The following GALNT18 variants were observed in gnomAD, a reference collection of about 807,000 sequenced individuals.
GALNT18 encodes the protein polypeptide N-acetylgalactosaminyltransferase 18, also known as GalNAc-transferase 18.
A neutral mutation model predicts 69.5 loss-of-function variants in GALNT18; 44 were observed. That is an observed-to-expected ratio of 0.63 (90% CI 0.50 to 0.81). GALNT18 has a LOEUF of 0.81. GALNT18 is among the 40% of genes least tolerant of loss of function. The pLI is 0.00. For missense variants in GALNT18, 715 were observed against 810.0 expected (o/e 0.88, Z 1.42); for synonymous variants, 364 against 318.2 (o/e 1.14, Z -1.53).
rs1192352841 is a variant in GALNT18 at position 11,332,567 on chromosome 11, C to G, written c.1416+127G>C. Reference sequence around the variant, plus strand: ...GTCTTGCAGGTGCAGAACCCAGCGCCCGGTCCCCAGGCCTACTGCAGTTCT... The same window carrying G: ...GTCTTGCAGGTGCAGAACCCAGCGCGCGGTCCCCAGGCCTACTGCAGTTCT... On this transcript the variant is annotated intron_variant, in intron 8 of 10. Transcript: ENST00000227756. The surrounding 1 kb of genome is among the most constrained non-coding windows in gnomAD (Gnocchi z 4.3). 2.8e-6 allele frequency: 3 copies of G among 1,063,710 alleles called. No individual in the cohort carries two copies. In the African/African-American group the frequency reaches 4.7e-5, roughly 17 times the overall value. The allele number at this position is 1,063,710 out of a possible 1,614,324, so 65.9% of individuals were successfully genotyped here.
intron 1 of GALNT18, among the ~76,000 whole-genome samples, chr11:11,521,730 G>A (rs549042360): frequency 3.1e-4 from 47 of 152,148 alleles, no homozygotes; most frequent in Non-Finnish European, 5.6e-4. Context: ...AGTCACTTCC[G>A]ATGAAGCTTA....
At position 11,270,912 on chromosome 11, in the gene GALNT18, T is replaced by C; in HGVS notation, c.*232A>G. ...AATATTTTATTGTCAGTTATAAATATTTTCCATCTGTCCCCTATTTACAAC... is the reference window on the plus strand; with the variant it reads ...AATATTTTATTGTCAGTTATAAATACTTTCCATCTGTCCCCTATTTACAAC... On this transcript the variant is annotated 3_prime_UTR_variant, in exon 11 of 11. Coordinates refer to ENST00000227756, the MANE Select transcript of GALNT18 (RefSeq NM_198516.3). 1 of 423,836 alleles carries C rather than the reference T, an allele frequency of 2.4e-6. No individual in the cohort carries two copies. The allele number at this position is 423,836 out of a possible 1,614,324, so 26.3% of individuals were successfully genotyped here.
chr11:11,564,454 C>T lies in GALNT18; in HGVS notation c.235+56905G>A, dbSNP rs1341254431. ...TAAAATAGCTCCATCACATGAGACC[C>T]CCCTGGGTCTTCTCATCCATGCCTC... On this transcript the variant is annotated intron_variant, in intron 1 of 10. Transcript: ENST00000227756. This position sits in a 1 kb window ranked among gnomAD's most constrained non-coding sequence, Gnocchi z 4.3. 6.6e-6 allele frequency among the ~76,000 whole-genome samples: 1 copy of T among 152,194 alleles called. No individual in the cohort carries two copies. Among genetic ancestry groups the T allele is most frequent in the Non-Finnish European group, 1.5e-5 (1 of 68,044 alleles).
intron 9 of GALNT18, among the ~76,000 whole-genome samples, chr11:11,304,721 A>G (rs898059573): frequency 6.6e-6 from 1 of 152,210 alleles, no homozygotes; most frequent in African/African-American, 2.4e-5. Flanking sequence ...TCACCAGATC[A>G]TTAATGCCAG....
intron 1 of GALNT18, among the ~76,000 whole-genome samples, chr11:11,554,382 G>T (rs1338511839): frequency 6.6e-6 from 1 of 151,814 alleles, no homozygotes; most frequent in Non-Finnish European, 1.5e-5. Flanking sequence ...GGAGGCACAG[G>T]TAGCCTCAGG....
chr11:11,292,639 G>A (rs186133019), intron 10 of GALNT18, among the ~76,000 whole-genome samples: 29 of 152,278 alleles, frequency 1.9e-4, no homozygotes, highest in African/African-American at 6.5e-4. Flanking sequence ...GGAGAAACGT[G>A]AAGGTTTAAA....
intron 1 of GALNT18, among the ~76,000 whole-genome samples, chr11:11,549,892 TG>T (rs1002682847): frequency 2.6e-5 from 4 of 152,168 alleles, no homozygotes; most frequent in African/African-American, 9.7e-5. Flanking sequence ...GAAGTCATGC[TG>T]GGGAAACAAA....
chr11:11,379,247 G>A lies in GALNT18; in HGVS notation c.613C>T (p.Leu205=). Residue 205 remains leucine (L), a synonymous_variant, in exon 4 of 11, where the codon CTG becomes TTG. Transcript: ENST00000227756. Reference sequence around the variant, plus strand: ...TTCACCTTGTCCACATATTCGGTCAGCTTCTCCTTCAGTTCCTCTGTCAGG... The same window carrying A: ...TTCACCTTGTCCACATATTCGGTCAACTTCTCCTTCAGTTCCTCTGTCAGG... The part of the protein sequence containing the change: ...NSSNEELKEK[L]TEYVDKVNSQ... The A allele has an allele frequency of 6.2e-7, 1 of 1,612,736 alleles. No homozygotes were observed. The highest frequency in any genetic ancestry group is 1.3e-5 in the African/African-American group (1 of 74,994).
At chr11:11,364,617 C>A (rs1261215953) in intron 6 of GALNT18, among the ~76,000 whole-genome samples, 1 of 152,020 alleles carries the variant, frequency 6.6e-6, no homozygotes, top group African/African-American at 2.4e-5. Flanking sequence ...ACAAATTAAC[C>A]AACTGAATCT....
At chr11:11,574,145 A>G (rs1201048073) in intron 1 of GALNT18, among the ~76,000 whole-genome samples, 2 of 152,176 alleles carry the variant, frequency 1.3e-5, no homozygotes, top group Non-Finnish European at 2.9e-5. Flanking sequence ...ATACTGCCTC[A>G]TAAGAAGTTC....
At chr11:11,447,413 ACTT>A (rs1372022118) in intron 2 of GALNT18, among the ~76,000 whole-genome samples, 1 of 152,124 alleles carries the variant, frequency 6.6e-6, no homozygotes, top group Non-Finnish European at 1.5e-5. Context: ...TGCATATTTG[ACTT>A]CTTTGTTTTG....
chr11:11,410,643 C>T (rs1451684579), intron 3 of GALNT18, among the ~76,000 whole-genome samples: 1 of 152,172 alleles, frequency 6.6e-6, no homozygotes, highest in East Asian at 1.9e-4. Flanking sequence ...AATGACACAC[C>T]TGAAAGTCTG....
chr11:11,516,785 G>A (rs1857286861), intron 1 of GALNT18, among the ~76,000 whole-genome samples: 1 of 152,220 alleles, frequency 6.6e-6, no homozygotes, highest in Non-Finnish European at 1.5e-5. Flanking sequence ...CTCTACTATT[G>A]GTTACTGTTC....
Position 11,542,624 on chromosome 11 carries a change from A to G in GALNT18, c.235+78735T>C, listed in dbSNP as rs2133957786. On this transcript the variant is annotated intron_variant, in intron 1 of 10. Transcript: ENST00000227756. This position sits in a 1 kb window ranked among gnomAD's most constrained non-coding sequence, Gnocchi z 4.3. ...AATGTAGAGTAAAGAGGTCAAGAAC[A>G]TTGATTCTGGACTTAGGCAGCATGG... Among the ~76,000 whole-genome samples the G allele has an allele frequency of 6.6e-6, 1 of 152,340 alleles. No individual in the cohort carries two copies. Among genetic ancestry groups the G allele is most frequent in the African/African-American group, 2.4e-5 (1 of 41,580 alleles).
At position 11,511,601 on chromosome 11, in the gene GALNT18, A is replaced by G. The variant is rs1263519079; in HGVS notation, c.236-62665T>C. Among the ~76,000 whole-genome samples, 1 of 152,224 alleles carries G rather than the reference A, an allele frequency of 6.6e-6. No individual in the cohort carries two copies. The highest frequency in any genetic ancestry group is 2.4e-5 in the African/African-American group (1 of 41,458). ...ATGTGCACACTGTGTTATGGAATGA[A>G]AGCTTCTGTTTCCACTAAAATTGAT... On this transcript the variant is annotated intron_variant, in intron 1 of 10. Transcript: ENST00000227756. The surrounding 1 kb of genome is among the most constrained non-coding windows in gnomAD (Gnocchi z 4.9).
At chr11:11,558,484 C>T (rs764393443) in intron 1 of GALNT18, among the ~76,000 whole-genome samples, 12 of 152,242 alleles carry the variant, frequency 7.9e-5, no homozygotes, top group Non-Finnish European at 1.0e-4. Context: ...GAGGGCACAG[C>T]GCTTGTCCCT....
chr11:11,286,517 C>G (rs1590009110), intron 10 of GALNT18, among the ~76,000 whole-genome samples: 1 of 152,144 alleles, frequency 6.6e-6, no homozygotes, highest in East Asian at 1.9e-4. Flanking sequence ...AGTGAGCATG[C>G]ATGCATCCGA....
rs1001202786 is a variant in GALNT18, at chr11:11,496,237, C to A, written c.236-47301G>T. ...ATAGCAATAGAGTTTTGATGATCTG[C>A]TGACTTCATTTGATTGCAACCCTCT... On this transcript the variant is annotated intron_variant, in intron 1 of 10. Coordinates refer to ENST00000227756, the MANE Select transcript of GALNT18 (RefSeq NM_198516.3). The surrounding 1 kb of genome is among the most constrained non-coding windows in gnomAD (Gnocchi z 4.0). Among the ~76,000 whole-genome samples the A allele has an allele frequency of 1.3e-5, 2 of 152,220 alleles. No individual in the cohort carries two copies. Among genetic ancestry groups the A allele is most frequent in the Non-Finnish European group, 2.9e-5 (2 of 68,040 alleles).
At chr11:11,281,890 C>T (rs987294229) in intron 10 of GALNT18, among the ~76,000 whole-genome samples, 1 of 151,828 alleles carries the variant, frequency 6.6e-6, no homozygotes, top group African/African-American at 2.4e-5. Flanking sequence ...AGTATGAGGC[C>T]AGGAGAGCTC....
Sources: allele counts gnomAD v4.1 joint callset (sites outside exome capture counted in the v4.1 genomes callset), GRCh38; gene constraint gnomAD v4.1.1; non-coding constraint Gnocchi (gnomAD v3.1); transcripts MANE v1.5; gene names NCBI Gene and HGNC (gene_info 2026-07-23, HGNC 2026-07-21).